Variants in TNKS2 observed in about 807,000 individuals in gnomAD.
TNKS2 encodes the protein poly [ADP-ribose] polymerase tankyrase-2.
TNKS2 carries 72 observed loss-of-function variants against 137.6 expected under a neutral mutation model. The observed-to-expected ratio is 0.52, with a 90% CI of 0.43 to 0.64. The LOEUF is 0.64. TNKS2 is among the 30% of genes least tolerant of loss of function. The probability of loss-of-function intolerance (pLI) is 0.00; values close to 1 mark genes in which losing one functional copy is unlikely to be tolerated. For synonymous variants in TNKS2, 516 were observed against 512.1 expected (o/e 1.01, Z -0.10); for missense variants, 1,049 against 1,410.2 (o/e 0.74, Z 4.10).
chr10:91,798,905 G>A lies in TNKS2; in HGVS notation c.199+16G>A. 1 of 1,376,394 alleles carries A rather than the reference G, an allele frequency of 7.3e-7. No homozygotes were observed. The highest frequency in any genetic ancestry group is 3.3e-5 in the Admixed American group (1 of 30,582). The allele number at this position is 1,376,394 out of a possible 1,614,324, so 85.3% of individuals were successfully genotyped here. On this transcript the variant is annotated intron_variant, in intron 1 of 26. Transcript: ENST00000371627. Reference sequence around the variant, plus strand: ...TTCGCCGCAGGTAACCGGGGCCAGCGTCCCCTCGCCTCGCTCCAGACCCCA... The same window carrying A: ...TTCGCCGCAGGTAACCGGGGCCAGCATCCCCTCGCCTCGCTCCAGACCCCA...
chr10:91,819,355 T>C, intron 4 of TNKS2, 49 bp downstream of exon 4: 1 of 1,394,774 alleles, frequency 7.2e-7, no homozygotes, highest in East Asian at 2.5e-5. Context: ...CACCATTAAC[T>C]TTTTCTTTTT....
chr10:91,821,555 G>A (rs1404145146), intron 6 of TNKS2, among the ~76,000 whole-genome samples: 2 of 152,146 alleles, frequency 1.3e-5, no homozygotes, highest in African/African-American at 2.4e-5. Context: ...GCATATTAGT[G>A]AGTGATCCCA....
At position 91,863,736 on chromosome 10, in the gene TNKS2, A is replaced by C. The variant is rs1842910996; in HGVS notation, c.*737A>C. ...CACATTCCAAAGAGCTCTAACTATG[A>C]TAGGTCCTGATTACTAAAGAAGCTT... On this transcript the variant is annotated 3_prime_UTR_variant, in exon 27 of 27. Transcript: ENST00000371627. 6.6e-6 allele frequency: 1 copy of C among 152,176 alleles called. No individual in the cohort carries two copies. The highest frequency in any genetic ancestry group is 1.5e-5 in the Non-Finnish European group (1 of 68,010). 9.4% of individuals were successfully genotyped at this position (152,176 alleles called of 1,614,324 possible).
At chr10:91,852,080 T>C (rs1195686713) in intron 21 of TNKS2, among the ~76,000 whole-genome samples, 1 of 145,168 alleles carries the variant, frequency 6.9e-6, no homozygotes. Context: ...TACAAAAAAT[T>C]AGCCGGGCGT....
intron 1 of TNKS2, among the ~76,000 whole-genome samples, chr10:91,799,546 G>T (rs1844091338): frequency 6.6e-6 from 1 of 152,212 alleles, no homozygotes; most frequent in African/African-American, 2.4e-5. Flanking sequence ...TAAGAGAAAA[G>T]ATAGTGCAAG....
Position 91,836,936 on chromosome 10 carries a change from A to G in TNKS2, c.1465A>G (p.Asn489Asp), listed in dbSNP as rs1372742149. The G allele has an allele frequency of 6.2e-7, 1 of 1,613,348 alleles. No homozygotes were observed. The highest frequency in any genetic ancestry group is 1.1e-5 in the South Asian group (1 of 90,910). ...QLLQEGISLG[N>D]SEADRQLLEA... ...TTTTTTAGAGGGTATCTCATTAGGT[A>G]ATTCAGAGGCAGACAGACAATTGCT... Residue 489 changes from asparagine (N) to aspartate (D), a missense_variant, in exon 13 of 27, where the codon AAT becomes GAT. Asn to Asp is a conservative substitution (Grantham distance 23). This residue lies in a region of TNKS2 where 328 missense variants were observed against 436.0 expected (regional missense o/e 0.75). Coordinates refer to ENST00000371627, the MANE Select transcript of TNKS2 (RefSeq NM_025235.4).
chr10:91,831,578 T>C (rs573654236), intron 11 of TNKS2, among the ~76,000 whole-genome samples: 29 of 152,344 alleles, frequency 1.9e-4, no homozygotes, highest in African/African-American at 7.0e-4. Flanking sequence ...CTCTTATTTC[T>C]GTAACTAAGC....
Position 91,822,378 on chromosome 10 carries a change from C to A in TNKS2, c.795+16C>A. 1 of 1,586,758 alleles carries A rather than the reference C, an allele frequency of 6.3e-7. No individual in the cohort carries two copies. Among genetic ancestry groups the A allele is most frequent in the Non-Finnish European group, 8.7e-7 (1 of 1,155,956 alleles). ...TTTGGTCAAGGTTAGTGCTCTTGTA[C>A]TCTCCTAATTACTTTCTAGAGTTAT... On this transcript the variant is annotated intron_variant, in intron 7 of 26. Transcript: ENST00000371627.
chr10:91,820,421 G>A (rs963686251), intron 6 of TNKS2, among the ~76,000 whole-genome samples: 2 of 152,220 alleles, frequency 1.3e-5, no homozygotes, highest in Admixed American at 6.5e-5. Flanking sequence ...ATTCAAGAAA[G>A]CAGAGTTTGC....
intron 7 of TNKS2, among the ~76,000 whole-genome samples, chr10:91,824,636 A>G (rs751521699): frequency 3.3e-5 from 5 of 152,188 alleles, no homozygotes; most frequent in East Asian, 1.9e-4. Context: ...TGTGGTGCAC[A>G]CTTCTATGGT....
chr10:91,831,061 T>G, intron 10 of TNKS2, 42 bp from the exon 11 acceptor site: 1 of 1,612,832 alleles, frequency 6.2e-7, no homozygotes, highest in Non-Finnish European at 8.5e-7. Flanking sequence ...TTTACTCTTT[T>G]GGAAAATATA....
chr10:91,858,195 TTA>T (rs1842759841), intron 24 of TNKS2, among the ~76,000 whole-genome samples: 1 of 152,176 alleles, frequency 6.6e-6, no homozygotes, highest in Non-Finnish European at 1.5e-5. Flanking sequence ...CAGAAAAATT[TTA>T]GAGACCTGTA....
chr10:91,832,218 C>G (rs938573683), intron 11 of TNKS2, among the ~76,000 whole-genome samples: 2 of 152,054 alleles, frequency 1.3e-5, no homozygotes, highest in Non-Finnish European at 2.9e-5. Context: ...TATCTTGTCT[C>G]TCTGTTCTAT....
chr10:91,852,340 G>A (rs1248669958), intron 21 of TNKS2, among the ~76,000 whole-genome samples: 1 of 151,738 alleles, frequency 6.6e-6, no homozygotes, highest in Non-Finnish European at 1.5e-5. Flanking sequence ...GGCAGATCAC[G>A]AGGTCAGGAG....
At chr10:91,819,807 T>C (rs534337717) in intron 5 of TNKS2, 132 bp from the exon 6 acceptor site, 3 of 775,788 alleles carry the variant, frequency 3.9e-6, no homozygotes, top group Admixed American at 3.3e-5. Flanking sequence ...TTGGATTTTG[T>C]AAAACCAAAT....
rs1433680975 is a variant in TNKS2 at position 91,836,690 on chromosome 10, CATT to C, written c.1448-226_1448-224del. 3 of 985,046 alleles carry C rather than the reference CATT, an allele frequency of 3.0e-6. No homozygotes were observed. In the Admixed American group the frequency reaches 1.8e-4, roughly 61 times the overall value. The allele number at this position is 985,046 out of a possible 1,614,324, so 61.0% of individuals were successfully genotyped here. The stretch of plus-strand genomic sequence containing the variant: ...TATTGCTTACATCACATTTTATAAT[CATT>C]ATACACATTTACATATTTTGCTTAT... On this transcript the variant is annotated intron_variant, in intron 12 of 26. Coordinates refer to ENST00000371627, the MANE Select transcript of TNKS2 (RefSeq NM_025235.4).
chr10:91,809,665 C>CAA (rs531423746), intron 1 of TNKS2, among the ~76,000 whole-genome samples: 12 of 98,936 alleles, frequency 1.2e-4, no homozygotes, highest in South Asian at 3.2e-4. Flanking sequence ...GACTCTGTCT[C>CAA]AAAAAAAAAA....
In TNKS2 at chr10:91,833,508, G is replaced by A. The variant is rs1275302726; in HGVS notation, c.1276-345G>A. ...GGCTTTGTTACTATTGTCTATCTCG[G>A]GGTTAAGCTTTACATTTCTACACTT... On this transcript the variant is annotated intron_variant, in intron 11 of 26. Coordinates refer to ENST00000371627, the MANE Select transcript of TNKS2 (RefSeq NM_025235.4). Among the ~76,000 whole-genome samples the A allele has an allele frequency of 2.0e-5, 3 of 151,890 alleles. No individual in the cohort carries two copies. The East Asian group carries it at 5.8e-4, about 29-fold the overall frequency.
intron 1 of TNKS2, among the ~76,000 whole-genome samples, chr10:91,811,056 C>T (rs1482951225): frequency 6.7e-6 from 1 of 149,106 alleles, no homozygotes; most frequent in African/African-American, 2.5e-5. Flanking sequence ...TCCCATGTAG[C>T]TGGGATTACA....
Sources: gnomAD v4.1 joint callset for allele counts (sites outside exome capture counted in the v4.1 genomes callset) on GRCh38, gnomAD v4.1.1 for gene constraint, gnomAD v4.1.1 regional missense constraint, MANE v1.5 for transcripts, NCBI Gene and HGNC (gene_info 2026-07-23, HGNC 2026-07-21) for gene names.